MOXD1: variants seen among roughly 807,000 people sequenced by gnomAD.
MOXD1 encodes monooxygenase DBH like 1, also known as DBH-like monooxygenase protein 1.
In MOXD1, 62 loss-of-function variants were observed where a neutral mutation model predicts 66.6. That is an observed-to-expected ratio of 0.93 (90% CI 0.76 to 1.15). The LOEUF (loss-of-function observed/expected upper bound fraction) is 1.15. MOXD1 is among the 50% of genes most tolerant of loss of function. MOXD1 has a pLI of 0.00. For synonymous variants in MOXD1, 303 were observed against 281.9 expected, an observed-to-expected ratio of 1.07 and a Z score of -0.75; for missense variants, 847 against 754.6, an observed-to-expected ratio of 1.12 and a Z score of -1.44.
intron 1 of MOXD1, among the ~76,000 whole-genome samples, chr6:132,400,374 C>T (rs563411269): frequency 1.3e-3 from 196 of 152,192 alleles, no homozygotes; most frequent in Non-Finnish European, 1.5e-3. Context: ...GGAAACCTAG[C>T]CACCTAATCA....
At chr6:132,319,569 A>G (rs952111245) in intron 9 of MOXD1, among the ~76,000 whole-genome samples, 2 of 151,920 alleles carry the variant, frequency 1.3e-5, no homozygotes, top group East Asian at 1.9e-4. Context: ...GATAGTATCA[A>G]TTTGGAGGAG....
chr6:132,373,821 A>G (rs1483089442), intron 2 of MOXD1, among the ~76,000 whole-genome samples: 1 of 152,248 alleles, frequency 6.6e-6, no homozygotes, highest in East Asian at 1.9e-4. Context: ...TCTCTTTGCT[A>G]TATTCTTTCT....
intron 4 of MOXD1, among the ~76,000 whole-genome samples, chr6:132,367,766 C>A (rs1223130429): frequency 6.6e-6 from 1 of 152,034 alleles, no homozygotes; most frequent in Non-Finnish European, 1.5e-5. Flanking sequence ...TTAGGAGGCA[C>A]CATTTCCATT....
At chr6:132,370,666 C>A (rs1269326244) in intron 4 of MOXD1, among the ~76,000 whole-genome samples, 2 of 152,098 alleles carry the variant, frequency 1.3e-5, no homozygotes, top group Non-Finnish European at 2.9e-5. Flanking sequence ...GTCCTTCCCT[C>A]AAATCCCTTT....
At chr6:132,342,122 C>A (rs1289415061) in intron 4 of MOXD1, among the ~76,000 whole-genome samples, 1 of 152,148 alleles carries the variant, frequency 6.6e-6, no homozygotes, top group African/African-American at 2.4e-5. Flanking sequence ...CCTGCCTCAG[C>A]CTCTCAAGTA....
chr6:132,393,765 TG>T (rs1024226836), intron 1 of MOXD1, among the ~76,000 whole-genome samples: 17 of 152,284 alleles, frequency 1.1e-4, no homozygotes, highest in Non-Finnish European at 2.5e-4. Flanking sequence ...TCCATATCCC[TG>T]GAGCCCAACT....
At chr6:132,393,733 G>T (rs1462263171) in intron 1 of MOXD1, among the ~76,000 whole-genome samples, 1 of 152,140 alleles carries the variant, frequency 6.6e-6, no homozygotes, top group Non-Finnish European at 1.5e-5. Flanking sequence ...GTTCTGCCTG[G>T]GGGCCCAAGA....
At chr6:132,336,487 C>T (rs754463091) in intron 4 of MOXD1, among the ~76,000 whole-genome samples, 16 of 152,162 alleles carry the variant, frequency 1.1e-4, no homozygotes, top group African/African-American at 3.9e-4. Context: ...TGTCTCCTGC[C>T]GTATCCTCAT....
rs34627666 is a variant in MOXD1 at position 132,357,559 on chromosome 6, T to TA, written c.663+15048dup. Among the ~76,000 whole-genome samples the TA allele has an allele frequency of 4.1e-3, 628 of 151,954 alleles. 4 individuals are homozygous for TA. The highest frequency in any genetic ancestry group is 0.014 in the African/African-American group (598 of 41,474). ...GTTATAAAGGAACTAATATACCATA[T>TA]AAAAATCTAGTTAAATATAAATATT... On this transcript the variant is annotated intron_variant, in intron 4 of 11. Coordinates refer to ENST00000367963, the MANE Select transcript of MOXD1 (RefSeq NM_015529.4).
At chr6:132,312,631 G>A (rs1582563695) in intron 10 of MOXD1, among the ~76,000 whole-genome samples, 1 of 149,026 alleles carries the variant, frequency 6.7e-6, no homozygotes, top group South Asian at 2.1e-4. Flanking sequence ...TTTTTGGCAG[G>A]GGAGAATGAC....
At chr6:132,308,381 G>A (rs576830953) in intron 10 of MOXD1, among the ~76,000 whole-genome samples, 1 of 152,162 alleles carries the variant, frequency 6.6e-6, no homozygotes, top group Admixed American at 6.5e-5. Context: ...GTAATTAATA[G>A]CCTACTAACA....
intron 1 of MOXD1, among the ~76,000 whole-genome samples, chr6:132,389,487 C>T (rs1219100723): frequency 3.3e-5 from 5 of 151,340 alleles, no homozygotes; most frequent in African/African-American, 1.2e-4. Flanking sequence ...AGTTACTCAA[C>T]TTGGCCCACA....
At chr6:132,308,686 T>G (rs1460069450) in intron 10 of MOXD1, among the ~76,000 whole-genome samples, 2 of 152,324 alleles carry the variant, frequency 1.3e-5, no homozygotes, top group East Asian at 3.9e-4. Flanking sequence ...TCAAGTCGGC[T>G]TCATCCCTGG....
rs1393413441 is a variant in MOXD1 at position 132,367,320 on chromosome 6, A to T, written c.663+5288T>A. On this transcript the variant is annotated intron_variant, in intron 4 of 11. Coordinates refer to ENST00000367963, the MANE Select transcript of MOXD1 (RefSeq NM_015529.4). ...GCTAGTGATCTACAAAATTTTATTG[A>T]ATTTACTTACCTTGTTTAACAGAAA... Among the ~76,000 whole-genome samples, 2 of 152,088 alleles carry T rather than the reference A, an allele frequency of 1.3e-5. 1 individual carries two copies. The highest frequency in any genetic ancestry group is 2.9e-5 in the Non-Finnish European group (2 of 67,958).
At chr6:132,386,999 G>A (rs1410697854) in intron 1 of MOXD1, among the ~76,000 whole-genome samples, 1 of 151,092 alleles carries the variant, frequency 6.6e-6, no homozygotes, top group Non-Finnish European at 1.5e-5. Flanking sequence ...TCTTTCTCCA[G>A]GCAAAATATT....
intron 4 of MOXD1, among the ~76,000 whole-genome samples, chr6:132,345,953 T>C (rs770101241): frequency 2.2e-4 from 33 of 152,182 alleles, no homozygotes; most frequent in Non-Finnish European, 1.6e-4. Flanking sequence ...CCTTCTTTGG[T>C]TCTGTATCAA....
At chr6:132,352,438 G>GT (rs1261931614) in intron 4 of MOXD1, among the ~76,000 whole-genome samples, 1 of 152,198 alleles carries the variant, frequency 6.6e-6, no homozygotes, top group Non-Finnish European at 1.5e-5. Flanking sequence ...TATTTGCATA[G>GT]TTTTGAAGGT....
intron 10 of MOXD1, among the ~76,000 whole-genome samples, chr6:132,311,969 C>T (rs1416389543): frequency 6.6e-6 from 1 of 151,824 alleles, no homozygotes; most frequent in East Asian, 1.9e-4. Context: ...GCTATTGATG[C>T]TTTTTTAGGA....
intron 4 of MOXD1, among the ~76,000 whole-genome samples, chr6:132,369,398 G>C (rs1176744398): frequency 6.6e-6 from 1 of 152,132 alleles, no homozygotes; most frequent in East Asian, 1.9e-4. Context: ...AGCAAAATTG[G>C]CATGAATTTC....
Sources: allele counts gnomAD v4.1 joint callset (sites outside exome capture counted in the v4.1 genomes callset), GRCh38; gene constraint gnomAD v4.1.1; transcripts MANE v1.5; gene names NCBI Gene and HGNC (gene_info 2026-07-23, HGNC 2026-07-21).